Variants in LMF1 observed in about 807,000 individuals in gnomAD.
LMF1 encodes lipase maturation factor 1.
Under a neutral mutation model 60.6 loss-of-function variants are expected in LMF1, and 68 were observed. That is an observed-to-expected ratio of 1.12 (90% CI 0.92 to 1.37). The LOEUF (loss-of-function observed/expected upper bound fraction) is 1.37, where lower values mean the gene tolerates loss of function less well. Ranked by LOEUF, LMF1 falls within the 40% of genes most tolerant of loss-of-function variation. The probability of loss-of-function intolerance (pLI) is 0.00; values close to 1 mark genes in which losing one functional copy is unlikely to be tolerated. For synonymous variants in LMF1, 418 were observed against 324.7 expected (o/e 1.29, Z -3.09); for missense variants, 948 against 767.2 (o/e 1.24, Z -2.78).
chr16:856,401 C>T (rs943536568), intron 10 of LMF1, among the ~76,000 whole-genome samples: 14 of 152,170 alleles, frequency 9.2e-5, no homozygotes, highest in Middle Eastern at 3.2e-3. Flanking sequence ...CTGGGCTGTG[C>T]GGGCAGCATG....
At chr16:934,429 G>T in intron 2 of LMF1, 175 bp from the exon 3 acceptor site, 3 of 706,504 alleles carry the variant, frequency 4.2e-6, no homozygotes, top group Non-Finnish European at 2.4e-6. Flanking sequence ...CCTCCCCACG[G>T]CTCACACACA....
At chr16:952,230 C>T (rs966129712) in intron 2 of LMF1, among the ~76,000 whole-genome samples, 7 of 152,096 alleles carry the variant, frequency 4.6e-5, no homozygotes, top group Admixed American at 2.0e-4. Flanking sequence ...GACCTGGCAG[C>T]GGTGCCCACC....
At chr16:876,113 C>G (rs914050647) in intron 6 of LMF1, among the ~76,000 whole-genome samples, 7 of 152,258 alleles carry the variant, frequency 4.6e-5, no homozygotes, top group African/African-American at 1.7e-4. Context: ...GCCCGGGGCT[C>G]CGTCTGTTGC....
intron 4 of LMF1, among the ~76,000 whole-genome samples, chr16:909,599 A>G (rs1020917137): frequency 6.6e-6 from 1 of 152,102 alleles, no homozygotes; most frequent in Non-Finnish European, 1.5e-5. Flanking sequence ...ACACTGAACC[A>G]TGCTACACGC....
At chr16:974,373 G>A (rs1158740581), upstream of LMF1, among the ~76,000 whole-genome samples, 1 of 152,192 alleles carries the variant, frequency 6.6e-6, no homozygotes, top group Non-Finnish European at 1.5e-5. Flanking sequence ...GCGGGAGGAG[G>A]AGGAGGGCGT....
chr16:971,074 C>T, upstream of LMF1: 2 of 1,281,508 alleles, frequency 1.6e-6, no homozygotes, highest in Non-Finnish European at 2.0e-6. Flanking sequence ...GCCCTGCCCA[C>T]GGCCGAAGGC....
chr16:958,756 G>A (rs559658048), intron 1 of LMF1, among the ~76,000 whole-genome samples: 2 of 152,186 alleles, frequency 1.3e-5, no homozygotes, highest in African/African-American at 2.4e-5. Context: ...GCATAGTGGT[G>A]CACACCTGGA....
chr16:889,471 G>A (rs542905684), intron 5 of LMF1, among the ~76,000 whole-genome samples: 13 of 152,086 alleles, frequency 8.5e-5, no homozygotes, highest in East Asian at 3.9e-4. Flanking sequence ...TCCCAAGCCC[G>A]GAGGGAGGAG....
chr16:918,719 C>G (rs945753086), intron 3 of LMF1, among the ~76,000 whole-genome samples: 1 of 141,742 alleles, frequency 7.1e-6, no homozygotes, highest in Admixed American at 7.0e-5. Context: ...AGGCAGCCTG[C>G]GTGGCTGAGA....
chr16:918,682 C>T lies in LMF1; in HGVS notation c.515-7603G>A, dbSNP rs572048515. ...GTCACGGGGTGTGCCTCAAGGGCCC[C>T]GGCCCTTCAGGCCTTGAGGCACTCA... On this transcript the variant is annotated intron_variant, in intron 3 of 10. Transcript: ENST00000262301. Among the ~76,000 whole-genome samples the T allele has an allele frequency of 7.3e-5, 11 of 151,552 alleles. No homozygotes were observed. The South Asian group carries it at 1.7e-3, about 23-fold the overall frequency.
rs534153086 is a variant in LMF1 at position 954,956 on chromosome 16, A to G, written c.194-290T>C. Among the ~76,000 whole-genome samples, 8 of 58,996 alleles carry G rather than the reference A, an allele frequency of 1.4e-4. No homozygotes were observed. The East Asian group carries it at 3.3e-3, about 24-fold the overall frequency. 38.7% of individuals were successfully genotyped at this position (58,996 alleles called of 152,430 possible). Reference sequence around the variant, plus strand: ...TGCCCGCAGCAGACGCGGTGTGTGCATCCACACACACACATATCTAAGTGA... The same window carrying G: ...TGCCCGCAGCAGACGCGGTGTGTGCGTCCACACACACACATATCTAAGTGA... On this transcript the variant is annotated intron_variant, in intron 1 of 10. Transcript: ENST00000262301.
At chr16:942,484 C>T (rs1227578140) in intron 2 of LMF1, among the ~76,000 whole-genome samples, 1 of 152,076 alleles carries the variant, frequency 6.6e-6, no homozygotes, top group East Asian at 1.9e-4. Context: ...TGTGTCCTCT[C>T]TCTGTGGGGC....
chr16:909,187 G>A (rs1050271863), intron 4 of LMF1, among the ~76,000 whole-genome samples: 3 of 152,212 alleles, frequency 2.0e-5, no homozygotes, highest in African/African-American at 7.2e-5. Flanking sequence ...CATGGCTGAC[G>A]TTTCTGCAGC....
At chr16:856,194 G>A (rs984564781) in intron 10 of LMF1, 1 of 348,756 alleles carries the variant, frequency 2.9e-6, no homozygotes, top group Non-Finnish European at 5.7e-6. Flanking sequence ...CCACTGCCCT[G>A]GGCCCCAGGG....
At chr16:924,614 G>T (rs548249259) in intron 3 of LMF1, among the ~76,000 whole-genome samples, 6 of 152,250 alleles carry the variant, frequency 3.9e-5, no homozygotes, top group Admixed American at 3.9e-4. Context: ...GGCAGCCGGG[G>T]GTCTCAGATG....
intron 10 of LMF1, among the ~76,000 whole-genome samples, chr16:857,154 C>T (rs528530140): frequency 1.2e-4 from 19 of 152,354 alleles, no homozygotes; most frequent in African/African-American, 2.4e-4. Context: ...CTAGTTTGTG[C>T]GGTCGCTCTC....
Position 868,995 on chromosome 16 carries a change from T to G in LMF1, c.1478A>C (p.Glu493Ala). The change falls in exon 10 of 11, where the codon GAG becomes GCG. Residue 493 changes from glutamate to alanine, a missense_variant. Glu to Ala is a moderately radical substitution (Grantham distance 107). Transcript: ENST00000262301. ...GTTGTGTGCCAGCAGGGACAAGGCC[T>G]CGGCGTCGCTGGCCAGGAGCTTGCC... ...LAGKLLASDAEALSLLAHNPF... is the reference protein window; with the variant it reads ...LAGKLLASDAAALSLLAHNPF... The G allele has an allele frequency of 1.9e-6, 3 of 1,612,558 alleles. No individual in the cohort carries two copies. The highest frequency in any genetic ancestry group is 2.5e-6 in the Non-Finnish European group (3 of 1,179,776).
chr16:926,579 G>C (rs946036770), intron 3 of LMF1, among the ~76,000 whole-genome samples: 1 of 152,210 alleles, frequency 6.6e-6, no homozygotes, highest in East Asian at 1.9e-4. Flanking sequence ...ACACGGGGTG[G>C]ATGTAAATTA....
chr16:957,706 C>G (rs2072735709), intron 1 of LMF1, among the ~76,000 whole-genome samples: 1 of 152,184 alleles, frequency 6.6e-6, no homozygotes, highest in African/African-American at 2.4e-5. Flanking sequence ...AAGACCACAT[C>G]AAGACAGCGC....
Sources: gnomAD v4.1 joint callset for allele counts (sites outside exome capture counted in the v4.1 genomes callset) on GRCh38, gnomAD v4.1.1 for gene constraint, MANE v1.5 for transcripts, NCBI Gene and HGNC (gene_info 2026-07-23, HGNC 2026-07-21) for gene names.